SH3GL2: variants seen among roughly 807,000 people sequenced by gnomAD.
SH3GL2 encodes the protein SH3 domain containing GRB2 like 2, endophilin A1, also known as endophilin-A1.
SH3GL2 carries 24 observed loss-of-function variants against 46.0 expected under a neutral mutation model. The ratio of observed to expected loss-of-function variants is 0.52; its 90% CI spans 0.38 to 0.73. SH3GL2 has a LOEUF of 0.73. SH3GL2 is among the 30% of genes least tolerant of loss of function. SH3GL2 has a pLI of 0.00. For synonymous variants in SH3GL2, 196 were observed against 147.1 expected, an observed-to-expected ratio of 1.33 and a Z score of -2.40; for missense variants, 413 against 424.2, an observed-to-expected ratio of 0.97 and a Z score of 0.23.
chr9:17,679,019 G>A (rs552518366), intron 1 of SH3GL2, among the ~76,000 whole-genome samples: 138 of 152,244 alleles, frequency 9.1e-4, no homozygotes, highest in Non-Finnish European at 1.4e-3. Flanking sequence ...GTACCATGCT[G>A]TTTTGGTTAC....
At chr9:17,688,218 G>A (rs1013561286) in intron 1 of SH3GL2, among the ~76,000 whole-genome samples, 5 of 152,046 alleles carry the variant, frequency 3.3e-5, no homozygotes, top group African/African-American at 9.7e-5. Flanking sequence ...AATTTTATGG[G>A]AGACTCAGCA....
chr9:17,628,413 T>G (rs530218547), intron 1 of SH3GL2, among the ~76,000 whole-genome samples: 317 of 23,442 alleles, frequency 0.014, no homozygotes, highest in African/African-American at 0.022. Context: ...ATATCTTGGG[T>G]GTGTGTGTGT....
At chr9:17,692,840 GGTGGGA>G (rs1397396632) in intron 1 of SH3GL2, among the ~76,000 whole-genome samples, 3 of 152,146 alleles carry the variant, frequency 2.0e-5, no homozygotes, top group Non-Finnish European at 4.4e-5. Context: ...CCAGAATCAT[GGTGGGA>G]GGTAAAAGGC....
chr9:17,588,155 T>C (rs2134542605), intron 1 of SH3GL2, among the ~76,000 whole-genome samples: 1 of 152,310 alleles, frequency 6.6e-6, no homozygotes, highest in Middle Eastern at 3.4e-3. Flanking sequence ...AGGATGACCC[T>C]GGATCGGTTC....
intron 1 of SH3GL2, among the ~76,000 whole-genome samples, chr9:17,676,421 C>G (rs897436035): frequency 4.6e-5 from 7 of 152,154 alleles, no homozygotes; most frequent in Non-Finnish European, 7.3e-5. Flanking sequence ...GCCTAGCCAA[C>G]AGGGTGAAAC....
At chr9:17,774,804 G>T (rs1399531121) in intron 3 of SH3GL2, among the ~76,000 whole-genome samples, 2 of 152,128 alleles carry the variant, frequency 1.3e-5, no homozygotes, top group Non-Finnish European at 2.9e-5. Context: ...TGTCCTCATA[G>T]AATGAGCAGG....
chr9:17,767,051 G>T (rs1160849070), intron 3 of SH3GL2, among the ~76,000 whole-genome samples: 2 of 152,184 alleles, frequency 1.3e-5, no homozygotes, highest in Non-Finnish European at 2.9e-5. Context: ...GGCCTTTTCA[G>T]TTTGCACTGA....
intron 1 of SH3GL2, among the ~76,000 whole-genome samples, chr9:17,605,441 A>G (rs180900235): frequency 3.5e-4 from 54 of 152,268 alleles, no homozygotes; most frequent in Non-Finnish European, 1.2e-4. Context: ...AGAAAAATTC[A>G]TCTAGCAGGT....
At chr9:17,758,640 G>T (rs1459342226) in intron 2 of SH3GL2, among the ~76,000 whole-genome samples, 2 of 147,678 alleles carry the variant, frequency 1.4e-5, no homozygotes, top group East Asian at 4.1e-4. Context: ...GCCAAAAGTG[G>T]GTCCCTCTTT....
At chr9:17,610,141 A>G (rs2134579009) in intron 1 of SH3GL2, among the ~76,000 whole-genome samples, 2 of 152,348 alleles carry the variant, frequency 1.3e-5, no homozygotes, top group Middle Eastern at 6.8e-3. Context: ...ACTGTGGGCA[A>G]GTTCCATCTT....
At chr9:17,700,186 G>T (rs1821313341) in intron 1 of SH3GL2, among the ~76,000 whole-genome samples, 1 of 152,056 alleles carries the variant, frequency 6.6e-6, no homozygotes, top group Non-Finnish European at 1.5e-5. Context: ...TATTTTTCTT[G>T]TTTCCCCTCT....
intron 3 of SH3GL2, among the ~76,000 whole-genome samples, chr9:17,773,701 A>C (rs1250899321): frequency 6.6e-6 from 1 of 152,078 alleles, no homozygotes; most frequent in South Asian, 2.1e-4. Flanking sequence ...CTGTATTACC[A>C]TAGCTTTGTA....
intron 1 of SH3GL2, among the ~76,000 whole-genome samples, chr9:17,580,618 A>T (rs8181077): frequency 0.46 from 70,444 of 152,062 alleles, 18,062 homozygotes; most frequent in African/African-American, 0.7. Flanking sequence ...AATTGGAGTT[A>T]TCTGTGACCT....
chr9:17,630,219 C>G (rs759948447), intron 1 of SH3GL2: 2 of 152,208 alleles, frequency 1.3e-5, no homozygotes, highest in Non-Finnish European at 1.5e-5. Context: ...GAAAGCTATA[C>G]AATACCTTTA....
At chr9:17,687,388 G>T (rs895707987) in intron 1 of SH3GL2, among the ~76,000 whole-genome samples, 1 of 152,054 alleles carries the variant, frequency 6.6e-6, no homozygotes, top group Non-Finnish European at 1.5e-5. Flanking sequence ...AGTCATTGAA[G>T]TACAGTATTG....
chr9:17,667,138 T>C (rs1023294568), intron 1 of SH3GL2, among the ~76,000 whole-genome samples: 2 of 152,180 alleles, frequency 1.3e-5, no homozygotes, highest in Non-Finnish European at 2.9e-5. Context: ...TTTAGTGTTA[T>C]TGGCTTTTTA....
At chr9:17,775,637 T>A (rs1304244694) in intron 3 of SH3GL2, among the ~76,000 whole-genome samples, 1 of 152,226 alleles carries the variant, frequency 6.6e-6, no homozygotes, top group Non-Finnish European at 1.5e-5. Flanking sequence ...GCTCAAGATC[T>A]CTGCTCCTTT....
intron 1 of SH3GL2, among the ~76,000 whole-genome samples, chr9:17,736,623 A>C (rs1190807823): frequency 6.6e-6 from 1 of 152,168 alleles, no homozygotes; most frequent in East Asian, 1.9e-4. Flanking sequence ...GTGACATAAA[A>C]TGCTATATGG....
At chr9:17,714,285 G>T in intron 1 of SH3GL2, among the ~76,000 whole-genome samples, 1 of 151,610 alleles carries the variant, frequency 6.6e-6, no homozygotes, top group African/African-American at 2.4e-5. Context: ...AGCAAATATC[G>T]TTGGGTCTTC....
Sources: gnomAD v4.1 joint callset for allele counts (sites outside exome capture counted in the v4.1 genomes callset) on GRCh38, gnomAD v4.1.1 for gene constraint, MANE v1.5 for transcripts, NCBI Gene and HGNC (gene_info 2026-07-23, HGNC 2026-07-21) for gene names.